The following FABP12 variants were observed in gnomAD, a reference collection of about 807,000 sequenced individuals.
FABP12 encodes the protein fatty acid-binding protein 12.
Under a neutral mutation model 13.7 loss-of-function variants are expected in FABP12, and 19 were observed. The ratio of observed to expected loss-of-function variants is 1.39; its 90% CI spans 0.97 to 2.04. The LOEUF (loss-of-function observed/expected upper bound fraction) is 2.04, where lower values mean the gene tolerates loss of function less well. Among genes scored for constraint, FABP12 ranks in the 30% most tolerant of loss-of-function variants. The probability of loss-of-function intolerance (pLI) is 0.00; values close to 1 mark genes in which losing one functional copy is unlikely to be tolerated. For missense variants in FABP12, 182 were observed against 164.2 expected (o/e 1.11, Z -0.59); for synonymous variants, 61 against 57.0 (o/e 1.07, Z -0.32).
At chr8:81,588,164 A>G (rs1471907005) in intron 1 of FABP12, among the ~76,000 whole-genome samples, 3 of 152,196 alleles carry the variant, frequency 2.0e-5, no homozygotes, top group African/African-American at 7.2e-5. Context: ...TCCTTTGGTA[A>G]CACTCTCACA....
chr8:81,549,806 G>A (rs1343463906), intron 1 of FABP12, among the ~76,000 whole-genome samples: 2 of 152,138 alleles, frequency 1.3e-5, no homozygotes, highest in East Asian at 3.8e-4. Context: ...AATAAATCAG[G>A]TTAGACTTCA....
intron 3 of FABP12, among the ~76,000 whole-genome samples, chr8:81,527,715 T>G (rs1275914798): frequency 2.6e-5 from 4 of 152,194 alleles, no homozygotes; most frequent in African/African-American, 9.6e-5. Context: ...TCTTTTTGCA[T>G]AAAGAATTAC....
At chr8:81,570,507 A>T (rs539089950) in intron 1 of FABP12, among the ~76,000 whole-genome samples, 4 of 152,186 alleles carry the variant, frequency 2.6e-5, no homozygotes, top group African/African-American at 9.6e-5. Context: ...TGCCCTGACT[A>T]GTGTTCAGCT....
chr8:81,556,220 G>T (rs1345005244), intron 1 of FABP12, among the ~76,000 whole-genome samples: 3 of 152,188 alleles, frequency 2.0e-5, no homozygotes, highest in Non-Finnish European at 2.9e-5. Flanking sequence ...GGAATGTGTT[G>T]TGTCTGTTCC....
chr8:81,535,774 T>G (rs1809206480), upstream of FABP12, among the ~76,000 whole-genome samples: 1 of 152,186 alleles, frequency 6.6e-6, no homozygotes, highest in African/African-American at 2.4e-5. Context: ...GGTTCTTCCT[T>G]CTGTGGGCTT....
intron 1 of FABP12, among the ~76,000 whole-genome samples, chr8:81,531,980 T>G (rs1179656017): frequency 1.3e-5 from 2 of 151,892 alleles, no homozygotes; most frequent in Non-Finnish European, 2.9e-5. Flanking sequence ...GCCCTGTTAC[T>G]GACACTTTTC....
At chr8:81,545,223 G>A (rs1252342385) in intron 1 of FABP12, among the ~76,000 whole-genome samples, 1 of 152,186 alleles carries the variant, frequency 6.6e-6, no homozygotes, top group African/African-American at 2.4e-5. Flanking sequence ...TGAACAAGAA[G>A]TTGTGGCAGA....
intron 1 of FABP12, among the ~76,000 whole-genome samples, chr8:81,559,933 G>GT (rs1265483681): frequency 6.6e-6 from 1 of 152,150 alleles, no homozygotes; most frequent in African/African-American, 2.4e-5. Flanking sequence ...ACCATTCTTT[G>GT]TAGGAATGCA....
chr8:81,534,886 C>T (rs918361998), upstream of FABP12, among the ~76,000 whole-genome samples: 11 of 151,400 alleles, frequency 7.3e-5, no homozygotes, highest in Admixed American at 6.6e-4. Context: ...TGCAGTGAGC[C>T]GAGATCACAC....
At chr8:81,567,932 G>T (rs950254913) in intron 1 of FABP12, among the ~76,000 whole-genome samples, 2 of 151,892 alleles carry the variant, frequency 1.3e-5, no homozygotes, top group Non-Finnish European at 1.5e-5. Context: ...CCATCCTGGC[G>T]AACAAGGTGA....
chr8:81,530,725 T>C (rs932731765), intron 2 of FABP12, among the ~76,000 whole-genome samples: 1 of 151,854 alleles, frequency 6.6e-6, no homozygotes. Flanking sequence ...ATGGGGAGAG[T>C]ATCCTGGATT....
At chr8:81,577,573 A>G (rs1012738858) in intron 1 of FABP12, among the ~76,000 whole-genome samples, 1 of 152,152 alleles carries the variant, frequency 6.6e-6, no homozygotes, top group Non-Finnish European at 1.5e-5. Context: ...AGCCTGGTCA[A>G]CAGGGCAAAA....
chr8:81,534,461 A>C (rs994029040), upstream of FABP12, among the ~76,000 whole-genome samples: 14 of 152,088 alleles, frequency 9.2e-5, no homozygotes, highest in African/African-American at 2.9e-4. Flanking sequence ...ACCCCTAAAA[A>C]CTTTACTAGA....
intron 1 of FABP12, among the ~76,000 whole-genome samples, chr8:81,562,210 C>T (rs1809734447): frequency 6.6e-6 from 1 of 152,136 alleles, no homozygotes; most frequent in African/African-American, 2.4e-5. Context: ...AGGGAAGGAC[C>T]CAGTTCTGGC....
upstream of FABP12, among the ~76,000 whole-genome samples, chr8:81,536,060 C>T (rs533901292): frequency 1.2e-4 from 18 of 152,268 alleles, no homozygotes; most frequent in East Asian, 3.3e-3. Flanking sequence ...TGGTGAAGTG[C>T]AATCAATCCC....
At chr8:81,534,257 C>G (rs1585837886), upstream of FABP12, among the ~76,000 whole-genome samples, 1 of 152,182 alleles carries the variant, frequency 6.6e-6, no homozygotes, top group East Asian at 1.9e-4. Flanking sequence ...CCTGCAGACC[C>G]TTTCCTGCTC....
At chr8:81,576,076 A>C (rs1810040113) in intron 1 of FABP12, among the ~76,000 whole-genome samples, 1 of 152,184 alleles carries the variant, frequency 6.6e-6, no homozygotes, top group African/African-American at 2.4e-5. Context: ...TAAAATGATA[A>C]TTTTCAATCA....
chr8:81,572,876 A>G (rs892804327), intron 1 of FABP12, among the ~76,000 whole-genome samples: 6 of 152,148 alleles, frequency 3.9e-5, no homozygotes, highest in African/African-American at 1.4e-4. Context: ...TATAGATTCT[A>G]AAGATCTTCT....
chr8:81,574,667 T>A (rs995983193), intron 1 of FABP12, among the ~76,000 whole-genome samples: 2 of 152,180 alleles, frequency 1.3e-5, no homozygotes, highest in Non-Finnish European at 2.9e-5. Flanking sequence ...GTCTTCCTGA[T>A]TTAAGCTAGG....
Sources: gnomAD v4.1 joint callset for allele counts (sites outside exome capture counted in the v4.1 genomes callset) on GRCh38, gnomAD v4.1.1 for gene constraint, MANE v1.5 for transcripts, NCBI Gene and HGNC (gene_info 2026-07-23, HGNC 2026-07-21) for gene names.